CHD2: variants seen among roughly 807,000 people sequenced by gnomAD.
CHD2 encodes chromodomain helicase DNA binding protein 2.
A neutral mutation model predicts 243.9 loss-of-function variants in CHD2; 28 were observed. That is an observed-to-expected ratio of 0.11 (90% confidence interval 0.09 to 0.16). The LOEUF is 0.16. CHD2 is among the 10% of genes least tolerant of loss of function. CHD2 has a pLI of 1.00. For synonymous variants in CHD2, 775 were observed against 779.0 expected (o/e 0.99, Z 0.09); for missense variants, 1,386 against 2,209.8 (o/e 0.63, Z 7.47).
chr15:92,969,263 C>T (rs2053808195), intron 17 of CHD2, among the ~76,000 whole-genome samples: 1 of 152,166 alleles, frequency 6.6e-6, no homozygotes, highest in Non-Finnish European at 1.5e-5. Context: ...TATTCTGTTG[C>T]CTTCAGGCTG....
At chr15:92,919,681 G>A (rs751085709) in intron 2 of CHD2, among the ~76,000 whole-genome samples, 10 of 152,118 alleles carry the variant, frequency 6.6e-5, no homozygotes, top group Non-Finnish European at 1.5e-4. Flanking sequence ...GTGAGCCACC[G>A]CGCCTGGCCT....
chr15:92,915,115 G>A (rs535323151), intron 2 of CHD2: 1 of 152,410 alleles, frequency 6.6e-6, no homozygotes, highest in South Asian at 2.1e-4. Flanking sequence ...TTTAACACTG[G>A]AAGGAGGGTC....
rs1567168736 is a variant in CHD2 at position 93,024,726 on chromosome 15, GAGTA to G, written c.*24_*27del. 1.3e-6 allele frequency: 2 copies of G among 1,573,210 alleles called. No individual in the cohort carries two copies. The highest frequency in any genetic ancestry group is 1.8e-5 in the Admixed American group (1 of 54,628). On this transcript the variant is annotated 3_prime_UTR_variant, in exon 39 of 39. Coordinates refer to ENST00000394196, the MANE Select transcript of CHD2 (RefSeq NM_001271.4). ...CATAAAGGACAGCTCGTAAAGGAGA[GAGTA>G]AGAGTCACCAAACACGTGGATATTT... is the stretch of plus-strand genomic sequence containing the variant.
intron 14 of CHD2, chr15:92,954,393 G>T (rs1206391805): frequency 6.6e-6 from 1 of 152,106 alleles, no homozygotes; most frequent in Non-Finnish European, 1.5e-5. Context: ...AACTATTTCT[G>T]GGAAATTGCT....
intron 8 of CHD2, 98 bp from the exon 9 acceptor site, chr15:92,942,745 C>T (rs1358933203): frequency 4.7e-6 from 4 of 859,394 alleles, no homozygotes; most frequent in Admixed American, 3.4e-5. Flanking sequence ...TTTGGTGCTT[C>T]ATCCACAAAG....
chr15:92,920,560 T>G (rs1187018268), intron 2 of CHD2, among the ~76,000 whole-genome samples: 1 of 152,224 alleles, frequency 6.6e-6, no homozygotes, highest in Non-Finnish European at 1.5e-5. Flanking sequence ...CTAGTTGGGC[T>G]GTTCTAGTTA....
chr15:92,942,700 G>A, intron 8 of CHD2, 143 bp from the exon 9 acceptor site: 1 of 582,448 alleles, frequency 1.7e-6, no homozygotes, highest in East Asian at 2.9e-5. Context: ...GTTCTGTGTT[G>A]TTTGTGAGTT....
intron 28 of CHD2, 91 bp from the exon 29 acceptor site, chr15:92,996,866 A>G: frequency 1.6e-6 from 2 of 1,251,274 alleles, no homozygotes; most frequent in Non-Finnish European, 2.2e-6. Context: ...ATATATTCAG[A>G]GAGACTAAGA....
At chr15:92,904,783 C>T (rs528115432) in intron 2 of CHD2, 1 of 1,413,774 alleles carries the variant, frequency 7.1e-7, no homozygotes, top group African/African-American at 1.5e-5. Context: ...CTCCCCGCCC[C>T]CGTTCAGTGT....
In CHD2 at chr15:93,004,712, G is replaced by A; in HGVS notation, c.4374G>A (p.Glu1458=). The A allele has an allele frequency of 6.2e-7, 1 of 1,613,684 alleles. No individual in the cohort carries two copies. The highest frequency in any genetic ancestry group is 8.5e-7 in the Non-Finnish European group (1 of 1,179,740). ...GAAGTGAACCTGTCCCCATTGGAGA[G>A]GATGAGGATGATGATCTGGACCAGG... is the stretch of plus-strand genomic sequence containing the variant. ...TAGSEPVPIG[E]DEDDDLDQET... is the part of the protein sequence containing the mutation. The change falls in exon 34 of 39, where the codon GAG becomes GAA. Residue 1458 remains glutamate (E), a synonymous_variant. Coordinates refer to ENST00000394196, the MANE Select transcript of CHD2 (RefSeq NM_001271.4).
chr15:92,992,798 A>G, intron 27 of CHD2, 61 bp from the exon 28 acceptor site: 1 of 1,591,342 alleles, frequency 6.3e-7, no homozygotes, highest in Non-Finnish European at 8.5e-7. Context: ...GTGGCATCTC[A>G]TGACACTTAA....
At chr15:92,950,229 G>A (rs574885403) in intron 13 of CHD2, among the ~76,000 whole-genome samples, 1 of 152,262 alleles carries the variant, frequency 6.6e-6, no homozygotes, top group Non-Finnish European at 1.5e-5. Context: ...TTAACAAAGA[G>A]TTATTAGCAA....
chr15:92,960,716 T>TTG lies in CHD2; in HGVS notation c.2000+4068_2000+4069insGT, dbSNP rs1368565705. 2.2e-4 allele frequency among the ~76,000 whole-genome samples: 32 copies of TTG among 142,304 alleles called. No individual in the cohort carries two copies. The South Asian group carries it at 6.9e-3, about 31-fold the overall frequency. 93.4% of individuals were successfully genotyped at this position (142,304 alleles called of 152,430 possible). On this transcript the variant is annotated intron_variant, in intron 16 of 38. Transcript: ENST00000394196. ...TGCATCTGTTTGGTGTTTTTTTTTT[T>TTG]TTTTTTTTTTTTTTTTAAGACAGAG...
chr15:93,018,442 G>C (rs944267685), intron 37 of CHD2, among the ~76,000 whole-genome samples: 2 of 152,160 alleles, frequency 1.3e-5, no homozygotes, highest in Non-Finnish European at 2.9e-5. Context: ...CACTTATTTG[G>C]TGGCATGTCT....
chr15:92,943,223 G>C, intron 9 of CHD2, 155 bp downstream of exon 9: 1 of 630,682 alleles, frequency 1.6e-6, no homozygotes, highest in Middle Eastern at 4.3e-4. Context: ...TTATAAGATT[G>C]TGACCTTCAG....
At position 93,014,771 on chromosome 15, in the gene CHD2, T is replaced by A; in HGVS notation, c.4768T>A (p.Ser1590Thr). Residue 1590 changes from serine (S) to threonine (T), a missense_variant, in exon 37 of 39, where the codon TCT (serine) becomes ACT (threonine). This residue lies in a region of CHD2 where 347 missense variants were observed against 341.6 expected (regional missense o/e 1.02). Transcript: ENST00000394196. ...RPEASGSSRD[S>T]LISQSHTSHN... ...AGAGGCCTCAGGCTCCAGCCGGGAC[T>A]CTCTGATATCTCAGTCCCATACCTC... The A allele has an allele frequency of 1.9e-6, 3 of 1,614,206 alleles. No homozygotes were observed. In the South Asian group the frequency reaches 3.3e-5, roughly 18 times the overall value.
At chr15:92,981,506 ATGACTAATGTTT>A in intron 24 of CHD2, 49 bp downstream of exon 24, 1 of 1,393,918 alleles carries the variant, frequency 7.2e-7, no homozygotes, top group Non-Finnish European at 1.0e-6. Context: ...TTCATTAATG[ATGACTAATGTTT>A]ATGAACGCTT....
At chr15:92,927,361 T>TC (rs1567128276) in intron 4 of CHD2, 31 bp downstream of exon 4, 7 of 1,449,750 alleles carry the variant, frequency 4.8e-6, no homozygotes, top group Non-Finnish European at 6.8e-6. Context: ...GGGCATGCAT[T>TC]TAAACTCCCT....
At chr15:92,928,692 G>A (rs1166022100) in intron 4 of CHD2, among the ~76,000 whole-genome samples, 1 of 152,304 alleles carries the variant, frequency 6.6e-6, no homozygotes, top group Non-Finnish European at 1.5e-5. Context: ...CATTTTAAGC[G>A]CTTGGTAGTC....
Sources: allele counts gnomAD v4.1 joint callset (sites outside exome capture counted in the v4.1 genomes callset), GRCh38; gene constraint gnomAD v4.1.1; regional missense constraint gnomAD v4.1.1; transcripts MANE v1.5; gene names NCBI Gene and HGNC (gene_info 2026-07-23, HGNC 2026-07-21).